BCAS1: variants seen among roughly 807,000 people sequenced by gnomAD.
BCAS1 encodes brain enriched myelin associated protein 1.
Under a neutral mutation model 65.4 loss-of-function variants are expected in BCAS1, and 46 were observed. That is an observed-to-expected ratio of 0.70 (90% CI 0.55 to 0.90). The LOEUF is 0.90. BCAS1 is among the 40% of genes least tolerant of loss of function. The pLI, the probability that BCAS1 is intolerant of heterozygous loss-of-function variation, is 0.00. For synonymous variants in BCAS1, 298 were observed against 293.5 expected, an observed-to-expected ratio of 1.02 and a Z score of -0.16; for missense variants, 793 against 771.2, an observed-to-expected ratio of 1.03 and a Z score of -0.33.
Position 53,992,628 on chromosome 20 carries a change from C to T in BCAS1, c.946G>A (p.Val316Ile). Reference sequence around the variant, plus strand: ...TTCTGACCAGCTTGTCCATCACAGACACTTTCTGCTTTCGATGCCTTTGGG... The same window carrying T: ...TTCTGACCAGCTTGTCCATCACAGATACTTTCTGCTTTCGATGCCTTTGGG... ...PEDTASKAESVCDGQAGQKTS... is the reference protein window; with the variant it reads ...PEDTASKAESICDGQAGQKTS... Residue 316 changes from valine to isoleucine, a missense_variant, in exon 7 of 13, where the codon GTC becomes ATC. Physicochemically the swap from Val to Ile is conservative, Grantham distance 29. Coordinates refer to ENST00000688948, the MANE Select transcript of BCAS1 (RefSeq NM_001366298.2). 7.3e-7 allele frequency: 1 copy of T among 1,366,034 alleles called. No homozygotes were observed. The highest frequency in any genetic ancestry group is 9.8e-7 in the Non-Finnish European group (1 of 1,021,782). 84.6% of individuals were successfully genotyped at this position (1,366,034 alleles called of 1,614,324 possible). A position where few individuals can be genotyped will look rare whatever the true frequency, so the allele number is the denominator to read the frequency against.
chr20:54,035,608 G>A (rs1232793317), intron 3 of BCAS1, among the ~76,000 whole-genome samples: 1 of 151,146 alleles, frequency 6.6e-6, no homozygotes, highest in Non-Finnish European at 1.5e-5. Context: ...CTGTTGGTGG[G>A]AGTGTAAATT....
chr20:54,026,829 C>T (rs923584789), intron 4 of BCAS1, among the ~76,000 whole-genome samples: 1 of 152,260 alleles, frequency 6.6e-6, no homozygotes. Flanking sequence ...GAGCCCAGTT[C>T]TCCTGGCATC....
intron 1 of BCAS1, among the ~76,000 whole-genome samples, chr20:54,064,140 G>A (rs925133443): frequency 6.6e-6 from 1 of 152,190 alleles, no homozygotes; most frequent in Non-Finnish European, 1.5e-5. Context: ...AGACTGGGCT[G>A]CATGTGAGAA....
intron 7 of BCAS1, among the ~76,000 whole-genome samples, chr20:53,987,222 A>T (rs16998695): frequency 1.3e-5 from 2 of 152,212 alleles, no homozygotes; most frequent in African/African-American, 4.8e-5. Context: ...TCTAAGTTCA[A>T]GTTAAGATAA....
rs556820320 is a variant in BCAS1 at position 53,988,097 on chromosome 20, C to T, written c.1063-2598G>A. 2.6e-5 allele frequency among the ~76,000 whole-genome samples: 4 copies of T among 152,276 alleles called. No homozygotes were observed. The South Asian group carries it at 6.2e-4, about 24-fold the overall frequency. ...CAATCTGCCGAAGTCATTAGAAGGGCGGCTCCATGGCCCCACGCTATTTTG... is the reference window on the plus strand; with the variant it reads ...CAATCTGCCGAAGTCATTAGAAGGGTGGCTCCATGGCCCCACGCTATTTTG... On this transcript the variant is annotated intron_variant, in intron 7 of 12. Coordinates refer to ENST00000688948, the MANE Select transcript of BCAS1 (RefSeq NM_001366298.2).
At position 54,028,539 on chromosome 20, in the gene BCAS1, G is replaced by T; in HGVS notation, c.576C>A (p.Ser192Arg). The T allele has an allele frequency of 6.2e-7, 1 of 1,614,202 alleles. No homozygotes were observed. Among genetic ancestry groups the T allele is most frequent in the Non-Finnish European group, 8.5e-7 (1 of 1,180,034 alleles). Residue 192 changes from serine (S) to arginine (R), a missense_variant, in exon 4 of 13, where the codon AGC becomes AGA. Physicochemically the swap from Ser to Arg is moderately radical, Grantham distance 110. Coordinates refer to ENST00000688948, the MANE Select transcript of BCAS1 (RefSeq NM_001366298.2). Reference sequence around the variant, plus strand: ...CCAGCTTGAAGAATTTGTCAAAAAAGCTGGAGTCCTTGGGCTTGGAGGGAG... The same window carrying T: ...CCAGCTTGAAGAATTTGTCAAAAAATCTGGAGTCCTTGGGCTTGGAGGGAG... ...GEAPSKPKDS[S>R]FFDKFFKLDK...
At chr20:54,014,882 A>G (rs970393651) in intron 4 of BCAS1, among the ~76,000 whole-genome samples, 2 of 152,042 alleles carry the variant, frequency 1.3e-5, no homozygotes, top group African/African-American at 4.8e-5. Context: ...GCGTGTAGCC[A>G]TTGTCAGATT....
intron 9 of BCAS1, among the ~76,000 whole-genome samples, chr20:53,971,591 A>G (rs1600741524): frequency 1.3e-5 from 2 of 152,200 alleles, no homozygotes; most frequent in South Asian, 4.1e-4. Flanking sequence ...CTTTGGACTG[A>G]GTGATGTGAT....
rs771837397 is a variant in BCAS1 at position 53,975,379 on chromosome 20, T to C, written c.1317+10A>G. 3 of 1,610,446 alleles carry C rather than the reference T, an allele frequency of 1.9e-6. No homozygotes were observed. The South Asian group carries it at 3.3e-5, about 18-fold the overall frequency. Reference sequence around the variant, plus strand: ...AATGGAATGATTCTGCCGTGGTGTGTGTAACTTACATTCTCCTCCGCACCT... The same window carrying C: ...AATGGAATGATTCTGCCGTGGTGTGCGTAACTTACATTCTCCTCCGCACCT... On this transcript the variant is annotated intron_variant, in intron 9 of 12. Coordinates refer to ENST00000688948, the MANE Select transcript of BCAS1 (RefSeq NM_001366298.2).
chr20:53,996,976 T>C lies in BCAS1; in HGVS notation c.724-926A>G, dbSNP rs1287213572. 2.6e-5 allele frequency among the ~76,000 whole-genome samples: 4 copies of C among 152,232 alleles called. No homozygotes were observed. In the East Asian group the frequency reaches 7.7e-4, roughly 29 times the overall value. On this transcript the variant is annotated intron_variant, in intron 4 of 12. Coordinates refer to ENST00000688948, the MANE Select transcript of BCAS1 (RefSeq NM_001366298.2). ...TTATTTCCAAACTTCTGGCTCTCTG[T>C]TTGAAACATTCTGCTCCTCTGTCTG...
chr20:54,009,910 A>C (rs2145948829), intron 4 of BCAS1, among the ~76,000 whole-genome samples: 1 of 152,326 alleles, frequency 6.6e-6, no homozygotes, highest in Non-Finnish European at 1.5e-5. Context: ...ATAGGTTTGC[A>C]AGCTTGATTA....
chr20:53,962,059 A>G (rs542099044), intron 10 of BCAS1, among the ~76,000 whole-genome samples: 4 of 152,370 alleles, frequency 2.6e-5, no homozygotes, highest in Non-Finnish European at 5.9e-5. Flanking sequence ...AATGCAAGTC[A>G]TTGGTAGGGA....
intron 6 of BCAS1, among the ~76,000 whole-genome samples, chr20:53,994,209 G>A (rs1489606753): frequency 6.6e-6 from 1 of 152,142 alleles, no homozygotes; most frequent in Non-Finnish European, 1.5e-5. Context: ...AGCACTTTCC[G>A]ATATCAGAAG....
intron 9 of BCAS1, among the ~76,000 whole-genome samples, chr20:53,971,347 GA>G (rs1160730464): frequency 6.6e-6 from 1 of 152,226 alleles, no homozygotes; most frequent in Non-Finnish European, 1.5e-5. Flanking sequence ...TCAGCAGGAA[GA>G]GGCCACATGG....
chr20:54,050,254 G>GGATA (rs2092187516), intron 3 of BCAS1, among the ~76,000 whole-genome samples: 1 of 152,150 alleles, frequency 6.6e-6, no homozygotes, highest in Admixed American at 6.5e-5. Flanking sequence ...GGATAATCCA[G>GGATA]GATAATATCA....
chr20:54,065,187 A>ACG (rs1339606852), intron 1 of BCAS1, among the ~76,000 whole-genome samples: 1 of 150,140 alleles, frequency 6.7e-6, no homozygotes. Flanking sequence ...TATCTATCTC[A>ACG]CACACACTAT....
intron 4 of BCAS1, among the ~76,000 whole-genome samples, chr20:54,012,467 T>TAAAA (rs11343372): frequency 8.3e-5 from 9 of 108,162 alleles, no homozygotes; most frequent in African/African-American, 2.7e-4. Context: ...AGTTAAAAAG[T>TAAAA]AAAAAAAAAA....
chr20:53,957,082 G>A (rs1727272508), intron 11 of BCAS1, among the ~76,000 whole-genome samples: 1 of 152,184 alleles, frequency 6.6e-6, no homozygotes, highest in African/African-American at 2.4e-5. Flanking sequence ...TACAATTTGT[G>A]ATGACGCTAT....
At chr20:53,949,530 C>T (rs941859953) in intron 12 of BCAS1, among the ~76,000 whole-genome samples, 11 of 152,200 alleles carry the variant, frequency 7.2e-5, no homozygotes, top group African/African-American at 1.4e-4. Flanking sequence ...GTGACAGGCT[C>T]GGCTGCCAGC....
Sources: allele counts gnomAD v4.1 joint callset (sites outside exome capture counted in the v4.1 genomes callset), GRCh38; gene constraint gnomAD v4.1.1; transcripts MANE v1.5; gene names NCBI Gene and HGNC (gene_info 2026-07-23, HGNC 2026-07-21).